STX17: variants seen among roughly 807,000 people sequenced by gnomAD.
STX17 encodes syntaxin 17.
STX17 carries 29 observed loss-of-function variants against 35.9 expected under a neutral mutation model. That is an observed-to-expected ratio of 0.81 (90% CI 0.60 to 1.10). The LOEUF (loss-of-function observed/expected upper bound fraction) is 1.10. Among genes scored for constraint, STX17 ranks in the 50% least tolerant of loss-of-function variants. The probability of loss-of-function intolerance (pLI) is 0.00; values close to 1 mark genes in which losing one functional copy is unlikely to be tolerated. For missense variants in STX17, 312 were observed against 352.3 expected (o/e 0.89, Z 0.92); for synonymous variants, 92 against 118.3 (o/e 0.78, Z 1.44).
In STX17 at chr9:99,971,171, A is replaced by G. The variant is rs2118562385; in HGVS notation, c.*2498A>G. ...TGAATTTAATGTTTTATCATATCAG[A>G]TTAAATATTTTCTCCATGTCTTATT... is the stretch of plus-strand genomic sequence containing the variant. On this transcript the variant is annotated 3_prime_UTR_variant, in exon 8 of 8. Transcript: ENST00000259400. Among the ~76,000 whole-genome samples, 1 of 152,318 alleles carries G rather than the reference A, an allele frequency of 6.6e-6. No individual in the cohort carries two copies. Among genetic ancestry groups the G allele is most frequent in the Admixed American group, 6.5e-5 (1 of 15,294 alleles).
At chr9:99,967,481 A>G in intron 6 of STX17, 172 bp from the exon 7 acceptor site, 1 of 259,854 alleles carries the variant, frequency 3.8e-6, no homozygotes, top group Non-Finnish European at 7.3e-6. Context: ...CCTTTTTTTT[A>G]TGAAAGTTAA....
At chr9:99,931,017 C>G (rs986927938) in intron 3 of STX17, among the ~76,000 whole-genome samples, 5 of 152,098 alleles carry the variant, frequency 3.3e-5, no homozygotes, top group Non-Finnish European at 7.3e-5. Context: ...CGCTCTTTCG[C>G]CCAGGCTGGA....
chr9:99,933,269 T>C (rs1444254028), intron 3 of STX17, among the ~76,000 whole-genome samples: 8 of 152,288 alleles, frequency 5.3e-5, no homozygotes, highest in African/African-American at 1.2e-4. Context: ...CTTTATATTC[T>C]ATTCCATTTG....
intron 3 of STX17, among the ~76,000 whole-genome samples, chr9:99,931,854 TC>T (rs1446071667): frequency 2.6e-5 from 4 of 152,214 alleles, no homozygotes. Context: ...TGTTCTCTTT[TC>T]CTTTCTTGAT....
At chr9:99,915,089 T>C (rs1828740424) in intron 1 of STX17, 89 bp from the exon 2 acceptor site, 3 of 846,698 alleles carry the variant, frequency 3.5e-6, no homozygotes, top group Non-Finnish European at 3.3e-6. Flanking sequence ...TATTTATTGA[T>C]TTAGAATAAA....
chr9:99,960,427 TTTGAAGATTC>T (rs1829806766), intron 6 of STX17, among the ~76,000 whole-genome samples: 1 of 151,954 alleles, frequency 6.6e-6, no homozygotes, highest in Non-Finnish European at 1.5e-5. Context: ...ATTCTCTGCC[TTTGAAGATTC>T]TTGTTTTTTG....
chr9:99,965,322 G>A (rs1213691217), intron 6 of STX17, among the ~76,000 whole-genome samples: 1 of 152,052 alleles, frequency 6.6e-6, no homozygotes, highest in Non-Finnish European at 1.5e-5. Flanking sequence ...TTAAAGGAAG[G>A]AACATTAGAA....
chr9:99,915,501 C>A lies in STX17; in HGVS notation c.123+139C>A, dbSNP rs10819709. ...CTCCTATTGATTTAGCAACATTATG[C>A]ATTTTTTAGCTGGTTTTTCTGTTCT... On this transcript the variant is annotated intron_variant, in intron 2 of 7. Transcript: ENST00000259400. 3.7e-3 allele frequency: 3,874 copies of A among 1,049,716 alleles called. 14 individuals are homozygous for A. Among genetic ancestry groups the A allele is most frequent in the Non-Finnish European group, 3.9e-3 (3,032 of 768,994 alleles). The allele number at this position is 1,049,716 out of a possible 1,614,324, so 65.0% of individuals were successfully genotyped here. A position where few individuals can be genotyped will look rare whatever the true frequency, so the allele number is the denominator to read the frequency against.
intron 6 of STX17, among the ~76,000 whole-genome samples, chr9:99,961,177 G>A (rs938916064): frequency 1.3e-5 from 2 of 152,202 alleles, no homozygotes; most frequent in African/African-American, 2.4e-5. Context: ...GCATTAGAAA[G>A]CCTAATACTG....
At chr9:99,930,267 T>TATTTCATTTC (rs1829091528) in intron 3 of STX17, among the ~76,000 whole-genome samples, 1 of 151,078 alleles carries the variant, frequency 6.6e-6, no homozygotes, top group Non-Finnish European at 1.5e-5. Context: ...TATTTTATTT[T>TATTTCATTTC]ATTTCATTTC....
chr9:99,958,627 A>G (rs971866755), intron 4 of STX17, among the ~76,000 whole-genome samples: 1 of 152,234 alleles, frequency 6.6e-6, no homozygotes, highest in African/African-American at 2.4e-5. Context: ...CTTTCTGACT[A>G]GGCCCAGGCT....
chr9:99,939,610 G>A lies in STX17; in HGVS notation c.189+10767G>A, dbSNP rs75404413. Among the ~76,000 whole-genome samples, 154 of 152,296 alleles carry A rather than the reference G, an allele frequency of 1.0e-3. 3 individuals carry two copies. In the East Asian group the frequency reaches 0.026, roughly 26 times the overall value. ...TGTGTTTTAAAATTGATGAAATACA[G>A]TATTTAGAAGGCTTCTACCCTACCT... On this transcript the variant is annotated intron_variant, in intron 3 of 7. Transcript: ENST00000259400.
At chr9:99,917,118 C>A (rs1828792767) in intron 2 of STX17, among the ~76,000 whole-genome samples, 2 of 152,140 alleles carry the variant, frequency 1.3e-5, no homozygotes, top group African/African-American at 4.8e-5. Flanking sequence ...TTTTTACTTA[C>A]TGTGGAATTT....
chr9:99,948,178 T>C (rs1829522094), intron 3 of STX17, among the ~76,000 whole-genome samples: 1 of 152,150 alleles, frequency 6.6e-6, no homozygotes, highest in South Asian at 2.1e-4. Flanking sequence ...TACATGTGAC[T>C]GTTGAGCACT....
Position 99,969,700 on chromosome 9 carries a change from T to G in STX17, c.*1027T>G, listed in dbSNP as rs1159838718. The G allele has an allele frequency of 1.3e-5, 2 of 152,484 alleles. No individual in the cohort carries two copies. The highest frequency in any genetic ancestry group is 4.8e-5 in the African/African-American group (2 of 41,386). 9.4% of individuals were successfully genotyped at this position (152,484 alleles called of 1,614,324 possible). A position where few individuals can be genotyped will look rare whatever the true frequency, so the allele number is the denominator to read the frequency against. ...CAGATAGGGGGTATCTGACCCAGTC[T>G]TCTTTTCAGCTGGTCTCTGGGGGGA... is the stretch of plus-strand genomic sequence containing the variant. On this transcript the variant is annotated 3_prime_UTR_variant, in exon 8 of 8. Transcript: ENST00000259400.
At chr9:99,918,728 A>G (rs930621740) in intron 2 of STX17, among the ~76,000 whole-genome samples, 2 of 151,902 alleles carry the variant, frequency 1.3e-5, no homozygotes, top group Non-Finnish European at 2.9e-5. Flanking sequence ...TGCTGTCTGG[A>G]GGGGTGAATA....
chr9:99,960,847 A>G (rs1829814806), intron 6 of STX17, among the ~76,000 whole-genome samples: 1 of 152,244 alleles, frequency 6.6e-6, no homozygotes, highest in Non-Finnish European at 1.5e-5. Context: ...AGGTATTATC[A>G]GCTCCAAGGA....
intron 3 of STX17, among the ~76,000 whole-genome samples, chr9:99,932,213 A>T (rs957992835): frequency 1.3e-5 from 2 of 152,160 alleles, no homozygotes; most frequent in African/African-American, 4.8e-5. Context: ...GTCCTCTTGA[A>T]TTCAGAAAGG....
chr9:99,959,923 T>A lies in STX17; in HGVS notation c.422T>A (p.Phe141Tyr). 1 of 1,607,558 alleles carries A rather than the reference T, an allele frequency of 6.2e-7. No homozygotes were observed. Among genetic ancestry groups the A allele is most frequent in the Non-Finnish European group, 8.5e-7 (1 of 1,175,540 alleles). The change falls in exon 5 of 8, where the codon TTT becomes TAT. Residue 141 changes from phenylalanine to tyrosine, a missense_variant. Physicochemically the swap from Phe to Tyr is conservative, Grantham distance 22 (BLOSUM62 3). Coordinates refer to ENST00000259400, the MANE Select transcript of STX17 (RefSeq NM_017919.3). ...LTRSMTVGGA[F>Y]HTTEAEASSQ... The stretch of plus-strand genomic sequence containing the variant: ...GGTTATTATGTTCATCCAGGAGCAT[T>A]TCATACTACTGAAGCTGAAGCTAGT...
Sources: gnomAD v4.1 joint callset for allele counts (sites outside exome capture counted in the v4.1 genomes callset) on GRCh38, gnomAD v4.1.1 for gene constraint, MANE v1.5 for transcripts, NCBI Gene and HGNC (gene_info 2026-07-23, HGNC 2026-07-21) for gene names.